Variants in BCAS3 observed in about 807,000 individuals in gnomAD.
BCAS3 encodes BCAS3 microtubule associated cell migration factor.
Under a neutral mutation model 116.1 loss-of-function variants are expected in BCAS3, and 53 were observed. The ratio of observed to expected loss-of-function variants is 0.46; its 90% CI spans 0.37 to 0.57. The LOEUF is 0.57. Ranked by LOEUF, BCAS3 falls within the 20% of genes least tolerant of loss-of-function variation. BCAS3 has a pLI of 0.00. For synonymous variants in BCAS3, 391 were observed against 408.2 expected, an observed-to-expected ratio of 0.96 and a Z score of 0.51; for missense variants, 917 against 1,165.4, an observed-to-expected ratio of 0.79 and a Z score of 3.10.
At chr17:60,920,870 AAACAACAACAAC>A (rs58062382) in intron 12 of BCAS3, among the ~76,000 whole-genome samples, 10,469 of 146,566 alleles carry the variant, frequency 0.071, 460 homozygotes, top group African/African-American at 0.11. Flanking sequence ...ACTCCATCGC[AAACAACAACAAC>A]AACAACAACA....
rs113185766 is a variant in BCAS3, at chr17:61,019,619, C to G, written c.1637+3718C>G. On this transcript the variant is annotated intron_variant, in intron 16 of 23. Coordinates refer to ENST00000407086, the MANE Select transcript of BCAS3 (RefSeq NM_017679.5). This position sits in a 1 kb window ranked among gnomAD's most constrained non-coding sequence, Gnocchi z 5.6. The stretch of plus-strand genomic sequence containing the variant: ...TTTTGCTATATTCTGAGTTTTGAAA[C>G]AAATCTCAGACAATATTTCATCCCA... Among the ~76,000 whole-genome samples, 7,971 of 152,162 alleles carry G rather than the reference C, an allele frequency of 0.052. 742 individuals are homozygous for G. The highest frequency in any genetic ancestry group is 0.18 in the African/African-American group (7,516 of 41,478).
chr17:61,223,081 A>G (rs917990265), intron 22 of BCAS3, among the ~76,000 whole-genome samples: 3 of 151,122 alleles, frequency 2.0e-5, no homozygotes, highest in Non-Finnish European at 4.4e-5. Context: ...TCACAACTGC[A>G]GTTGGTAATT....
intron 4 of BCAS3, among the ~76,000 whole-genome samples, chr17:60,697,389 C>T (rs1434199939): frequency 7.3e-5 from 11 of 151,704 alleles, no homozygotes; most frequent in Non-Finnish European, 1.6e-4. Flanking sequence ...GGTGAAACCC[C>T]GTCTCTACTA....
chr17:61,272,236 T>C, intron 22 of BCAS3, among the ~76,000 whole-genome samples: 1 of 152,142 alleles, frequency 6.6e-6, no homozygotes, highest in East Asian at 1.9e-4. Flanking sequence ...AGCCAAAATA[T>C]AAGAAAATAA....
At position 61,307,859 on chromosome 17, in the gene BCAS3, C is replaced by T. The variant is rs1005544956; in HGVS notation, c.2426-60468C>T. On this transcript the variant is annotated intron_variant, in intron 22 of 23. Coordinates refer to ENST00000407086, the MANE Select transcript of BCAS3 (RefSeq NM_017679.5). The surrounding 1 kb of genome is among the most constrained non-coding windows in gnomAD (Gnocchi z 4.7). ...GACCTGTGTCAAATGCACAGCAAAA[C>T]ATCTGATATATGGTTACAGATCTAA... Among the ~76,000 whole-genome samples, 4 of 152,176 alleles carry T rather than the reference C, an allele frequency of 2.6e-5. No individual in the cohort carries two copies. Among genetic ancestry groups the T allele is most frequent in the African/African-American group, 9.7e-5 (4 of 41,438 alleles).
intron 5 of BCAS3, among the ~76,000 whole-genome samples, chr17:60,742,987 C>T (rs1249332426): frequency 6.6e-6 from 1 of 151,080 alleles, no homozygotes; most frequent in Non-Finnish European, 1.5e-5. Context: ...GTGGCACGTG[C>T]CTGTAGTCCC....
In BCAS3 at chr17:61,015,894, C is replaced by G. The variant is rs746825060; in HGVS notation, c.1630C>G (p.Arg544Gly). 6.2e-7 allele frequency: 1 copy of G among 1,613,830 alleles called. No homozygotes were observed. The highest frequency in any genetic ancestry group is 8.5e-7 in the Non-Finnish European group (1 of 1,179,904). Residue 544 changes from arginine (R) to glycine (G), a missense_variant, in exon 16 of 24, where the codon CGA becomes GGA. Arg to Gly is a moderately radical substitution (Grantham distance 125). Coordinates refer to ENST00000407086, the MANE Select transcript of BCAS3 (RefSeq NM_017679.5). ...AATGACATTGGGGACCATCACCAAA[C>G]GAACCGGGTAAGGCCTTAGACTTGA... ...QPMTLGTITK[R>G]TGKVKPPPQI...
At chr17:60,791,844 G>C (rs569824535) in intron 6 of BCAS3, among the ~76,000 whole-genome samples, 1 of 152,144 alleles carries the variant, frequency 6.6e-6, no homozygotes, top group South Asian at 2.1e-4. Flanking sequence ...ATGATCCCTG[G>C]CTGGGCGCAG....
rs763762079 is a variant in BCAS3, at chr17:61,388,691, C to T, written c.2594-3286C>T. On this transcript the variant is annotated intron_variant, in intron 23 of 23. Transcript: ENST00000407086. The surrounding 1 kb of genome is among the most constrained non-coding windows in gnomAD (Gnocchi z 6.5). ...AGCAACCCAACAGTAACAAAGCATG[C>T]GTTCGGGATGGAGGAAGGTAAGGCC... 5.2e-5 allele frequency: 80 copies of T among 1,550,210 alleles called. No homozygotes were observed. The highest frequency in any genetic ancestry group is 2.8e-4 in the South Asian group (24 of 84,708).
At chr17:60,749,294 A>C (rs908091521) in intron 6 of BCAS3, among the ~76,000 whole-genome samples, 1 of 152,232 alleles carries the variant, frequency 6.6e-6, no homozygotes, top group Non-Finnish European at 1.5e-5. Flanking sequence ...TTTCGAAGGC[A>C]TTGGTGTAAC....
intron 22 of BCAS3, among the ~76,000 whole-genome samples, chr17:61,197,054 A>G (rs1279976360): frequency 6.6e-6 from 1 of 152,234 alleles, no homozygotes; most frequent in Non-Finnish European, 1.5e-5. Context: ...CACATCTAAT[A>G]TATCCAACAG....
At chr17:61,225,159 CTT>C (rs5821313) in intron 22 of BCAS3, among the ~76,000 whole-genome samples, 1 of 142,284 alleles carries the variant, frequency 7.0e-6, no homozygotes, top group Non-Finnish European at 1.5e-5. Flanking sequence ...ATCGCTCTGC[CTT>C]TTTTTTTTTT....
At chr17:60,933,592 T>G (rs2059773423) in intron 13 of BCAS3, among the ~76,000 whole-genome samples, 1 of 152,210 alleles carries the variant, frequency 6.6e-6, no homozygotes, top group African/African-American at 2.4e-5. Context: ...ATGATACATA[T>G]TAAAAGGTGA....
At position 60,705,543 on chromosome 17, in the gene BCAS3, A is replaced by G. The variant is rs117679334; in HGVS notation, c.215-3676A>G. ...AAAAAAAAAAAAAGAAAAGAAAATCATGAAAGAAGTTGTAGATATGGCAAA... is the reference window on the plus strand; with the variant it reads ...AAAAAAAAAAAAAGAAAAGAAAATCGTGAAAGAAGTTGTAGATATGGCAAA... On this transcript the variant is annotated intron_variant, in intron 4 of 23. Coordinates refer to ENST00000407086, the MANE Select transcript of BCAS3 (RefSeq NM_017679.5). Among the ~76,000 whole-genome samples the G allele has an allele frequency of 4.5e-3, 682 of 151,530 alleles. 11 individuals are homozygous for G. Among genetic ancestry groups the G allele is most frequent in the East Asian group, 0.028 (143 of 5,130 alleles).
intron 16 of BCAS3, among the ~76,000 whole-genome samples, chr17:61,027,143 G>A (rs2066307772): frequency 6.6e-6 from 1 of 150,928 alleles, no homozygotes; most frequent in Admixed American, 6.6e-5. Flanking sequence ...AACCACAGAT[G>A]AATTTTTTTT....
chr17:61,391,952 C>T lies in BCAS3; in HGVS notation c.2594-25C>T, dbSNP rs755029000. 5 of 1,610,614 alleles carry T rather than the reference C, an allele frequency of 3.1e-6. No individual in the cohort carries two copies. The Admixed American group carries it at 5.0e-5, about 16-fold the overall frequency. On this transcript the variant is annotated intron_variant, in intron 23 of 23. Transcript: ENST00000407086. This position sits in a 1 kb window ranked among gnomAD's most constrained non-coding sequence, Gnocchi z 7.7. ...CTCCCCAGACCCAACTCTAACCAGG[C>T]CTGGCCCTCTCCTGTGTCTTGCAGA... is the stretch of plus-strand genomic sequence containing the variant.
intron 22 of BCAS3, among the ~76,000 whole-genome samples, chr17:61,176,138 C>CAA (rs534042215): frequency 0.033 from 1,594 of 48,880 alleles, 49 homozygotes; most frequent in African/African-American, 0.051. Context: ...GACCCTATCT[C>CAA]AAAAAAAAAA....
rs530026862 is a variant in BCAS3 at position 61,220,206 on chromosome 17, G to A, written c.2425+135642G>A. On this transcript the variant is annotated intron_variant, in intron 22 of 23. Coordinates refer to ENST00000407086, the MANE Select transcript of BCAS3 (RefSeq NM_017679.5). The surrounding 1 kb of genome is among the most constrained non-coding windows in gnomAD (Gnocchi z 4.5). ...CTACTCAGGAGGCTGAGGCAGGAGA[G>A]TCGCTTGAATCTGGGAGGCAGAGGT... Among the ~76,000 whole-genome samples, 20 of 152,166 alleles carry A rather than the reference G, an allele frequency of 1.3e-4. No homozygotes were observed. Among genetic ancestry groups the A allele is most frequent in the African/African-American group, 4.8e-4 (20 of 41,514 alleles).
intron 22 of BCAS3, among the ~76,000 whole-genome samples, chr17:61,335,233 C>T (rs569164436): frequency 3.3e-4 from 51 of 152,346 alleles, no homozygotes; most frequent in Admixed American, 1.1e-3. Flanking sequence ...TTCACAGCAG[C>T]GATTCCTTCC....
Sources: gnomAD v4.1 joint callset for allele counts (sites outside exome capture counted in the v4.1 genomes callset) on GRCh38, gnomAD v4.1.1 for gene constraint, Gnocchi (gnomAD v3.1) non-coding constraint, MANE v1.5 for transcripts, NCBI Gene and HGNC (gene_info 2026-07-23, HGNC 2026-07-21) for gene names.